MATR3: variants seen among roughly 807,000 people sequenced by gnomAD.
MATR3 encodes the protein matrin-3.
MATR3 carries 4 observed loss-of-function variants against 85.5 expected under a neutral mutation model. The observed-to-expected ratio is 0.05, with a 90% CI of 0.02 to 0.11. The LOEUF (loss-of-function observed/expected upper bound fraction) is 0.11. Among genes scored for constraint, MATR3 ranks in the 10% least tolerant of loss-of-function variants. The pLI is 1.00. For synonymous variants in MATR3, 336 were observed against 343.1 expected (o/e 0.98, Z 0.23); for missense variants, 685 against 1,016.1 (o/e 0.67, Z 4.43).
chr5:139,285,981 A>G (rs1355028535), intron 3 of MATR3, among the ~76,000 whole-genome samples: 1 of 152,204 alleles, frequency 6.6e-6, no homozygotes, highest in East Asian at 1.9e-4. Flanking sequence ...TACTTAAAGG[A>G]AACTTCCCCA....
rs750007027 is a variant in MATR3, at chr5:139,330,663, CAG to C, written c.*1270_*1271del. ...ATTAAAAATGCTACAGGTGAACAAACAGAAGCTTATGTTTAGAGATATTGATG... is the reference window on the plus strand; with the variant it reads ...ATTAAAAATGCTACAGGTGAACAAACAAGCTTATGTTTAGAGATATTGATG... On this transcript the variant is annotated 3_prime_UTR_variant, in exon 15 of 15. Transcript: ENST00000394805. The C allele has an allele frequency of 9.0e-5, 41 of 453,958 alleles. No individual in the cohort carries two copies. The highest frequency in any genetic ancestry group is 5.3e-4 in the South Asian group (34 of 64,480). The allele number at this position is 453,958 out of a possible 1,614,324, so 28.1% of individuals were successfully genotyped here.
intron 5 of MATR3, among the ~76,000 whole-genome samples, chr5:139,316,795 C>T (rs560213809): frequency 6.6e-6 from 1 of 152,224 alleles, no homozygotes; most frequent in South Asian, 2.1e-4. Context: ...AAATGATCTG[C>T]TCAGCCTCCC....
In MATR3 at chr5:139,308,188, G is replaced by T. The variant is rs1258557290; in HGVS notation, c.773G>T (p.Gly258Val). ...SEYERMGRGP[G>V]PLQERSLFEK... ...TATGAGAGAATGGGACGTGGTCCTG[G>T]CCCCTTACAAGAGAGATCTCTCTTT... Residue 258 changes from glycine to valine, a missense_variant, in exon 2 of 15, where the codon GGC becomes GTC. By Grantham distance (109) the Gly-to-Val change is moderately radical. Transcript: ENST00000394805. 1 of 1,614,042 alleles carries T rather than the reference G, an allele frequency of 6.2e-7. No homozygotes were observed. Among genetic ancestry groups the T allele is most frequent in the Admixed American group, 1.7e-5 (1 of 60,002 alleles).
At chr5:139,303,838 A>G (rs955271422) in intron 1 of MATR3, among the ~76,000 whole-genome samples, 2 of 152,170 alleles carry the variant, frequency 1.3e-5, no homozygotes, top group African/African-American at 4.8e-5. Flanking sequence ...TAATTCTGCT[A>G]GATATTACTC....
chr5:139,308,035 G>A lies in MATR3; in HGVS notation c.620G>A (p.Arg207His), dbSNP rs749335257. 7.4e-6 allele frequency: 12 copies of A among 1,613,994 alleles called. No homozygotes were observed. The highest frequency in any genetic ancestry group is 2.2e-5 in the South Asian group (2 of 91,074). Residue 207 changes from arginine to histidine, a missense_variant, in exon 2 of 15, where the codon CGT becomes CAT. By Grantham distance (29) the Arg-to-His change is conservative (BLOSUM62 0). Transcript: ENST00000394805. ...NPVLDYDHGS[R>H]SQESGYYDRM... ...GTGCTTGATTATGACCATGGAAGTCGTTCTCAAGAATCTGGTTATTATGAC... is the reference window on the plus strand; with the variant it reads ...GTGCTTGATTATGACCATGGAAGTCATTCTCAAGAATCTGGTTATTATGAC...
rs1372958202 is a variant in MATR3 at position 139,330,443 on chromosome 5, G to GT, written c.*1049dup. On this transcript the variant is annotated 3_prime_UTR_variant, in exon 15 of 15. Transcript: ENST00000394805. ...ATACATGTTTGGAATGTTAACCAACGTATTTGTCAGTTGTGGTTTTTATTC... is the reference window on the plus strand; with the variant it reads ...ATACATGTTTGGAATGTTAACCAACGTTATTTGTCAGTTGTGGTTTTTATTC... 1 of 454,318 alleles carries GT rather than the reference G, an allele frequency of 2.2e-6. No homozygotes were observed. The highest frequency in any genetic ancestry group is 4.4e-6 in the Non-Finnish European group (1 of 226,792). 28.1% of individuals were successfully genotyped at this position (454,318 alleles called of 1,614,324 possible). A position where few individuals can be genotyped will look rare whatever the true frequency, so the allele number is the denominator to read the frequency against.
At chr5:139,319,528 A>G in intron 9 of MATR3, 27 bp downstream of exon 9, 1 of 1,578,902 alleles carries the variant, frequency 6.3e-7, no homozygotes, top group Non-Finnish European at 8.7e-7. Context: ...AGTTTTAGAG[A>G]AGATAATTTA....
At chr5:139,294,473 ACGCG>A (rs545311713) in intron 1 of MATR3, 91 of 151,230 alleles carry the variant, frequency 6.0e-4, no homozygotes, top group East Asian at 2.7e-3. Context: ...CCCGGCCCAC[ACGCG>A]CGCGCGCGCG....
chr5:139,297,892 G>C (rs1754238296), intron 1 of MATR3, among the ~76,000 whole-genome samples: 1 of 152,160 alleles, frequency 6.6e-6, no homozygotes, highest in African/African-American at 2.4e-5. Flanking sequence ...TCTTTAATGT[G>C]GTTCAGGCAG....
intron 3 of MATR3, among the ~76,000 whole-genome samples, chr5:139,287,808 A>G (rs186436344): frequency 9.5e-4 from 145 of 152,098 alleles, no homozygotes; most frequent in Admixed American, 2.2e-3. Context: ...TTGAGGTCAA[A>G]CTCCTTGTCA....
chr5:139,274,205 C>G (rs974754739), intron 1 of MATR3: 8 of 375,810 alleles, frequency 2.1e-5, no homozygotes, highest in African/African-American at 1.7e-4. Context: ...GGTTTCCCAG[C>G]CTGGGGAAAG....
chr5:139,325,319 A>T, intron 12 of MATR3, 121 bp from the exon 13 acceptor site: 1 of 1,567,744 alleles, frequency 6.4e-7, no homozygotes, highest in Non-Finnish European at 8.6e-7. Flanking sequence ...GGAGTATGGA[A>T]GGTTTTGTCA....
rs1756067390 is a variant in MATR3 at position 139,330,163 on chromosome 5, T to C, written c.*768T>C. The stretch of plus-strand genomic sequence containing the variant: ...TCTGGTATAAGCAACATTTGATTTT[T>C]GAAGTGTGTAGACCATCTCTTCATA... On this transcript the variant is annotated 3_prime_UTR_variant, in exon 15 of 15. Transcript: ENST00000394805. 2 of 454,436 alleles carry C rather than the reference T, an allele frequency of 4.4e-6. No homozygotes were observed. The highest frequency in any genetic ancestry group is 8.8e-6 in the Non-Finnish European group (2 of 226,802). 28.2% of individuals were successfully genotyped at this position (454,436 alleles called of 1,614,324 possible).
intron 1 of MATR3, among the ~76,000 whole-genome samples, chr5:139,296,693 C>T (rs190336603): frequency 2.8e-4 from 43 of 152,204 alleles, no homozygotes; most frequent in African/African-American, 1.0e-3. Flanking sequence ...TCAGAATATT[C>T]TTAGGCAAAA....
At chr5:139,290,427 G>A (rs1054101749), upstream of MATR3, among the ~76,000 whole-genome samples, 1 of 111,534 alleles carries the variant, frequency 9.0e-6, no homozygotes, top group African/African-American at 4.0e-5. Flanking sequence ...GAGCCACTGC[G>A]CCTGGCCGCT....
At chr5:139,316,243 TTC>T in intron 5 of MATR3, 55 bp downstream of exon 5, 2 of 1,357,570 alleles carry the variant, frequency 1.5e-6, no homozygotes, top group South Asian at 1.2e-5. Context: ...CTGAAAATTT[TTC>T]TTTTTATTTA....
intron 14 of MATR3, among the ~76,000 whole-genome samples, chr5:139,327,628 T>A (rs1318608374): frequency 6.6e-6 from 1 of 152,022 alleles, no homozygotes; most frequent in African/African-American, 2.4e-5. Flanking sequence ...TCCATGTTGG[T>A]CAGACTGGTC....
rs924762117 is a variant in MATR3, at chr5:139,307,094, G to GT, written c.-177-142dup. On this transcript the variant is annotated intron_variant, in intron 1 of 14. Coordinates refer to ENST00000394805, the MANE Select transcript of MATR3 (RefSeq NM_018834.6). The surrounding 1 kb of genome is among the most constrained non-coding windows in gnomAD (Gnocchi z 4.4). ...CAGGCTCTGCATACATCAGGAATCT[G>GT]TTTAAGATATGTAATAAATTCCTTG... is the stretch of plus-strand genomic sequence containing the variant. 3 of 400,134 alleles carry GT rather than the reference G, an allele frequency of 7.5e-6. No homozygotes were observed. Among genetic ancestry groups the GT allele is most frequent in the African/African-American group, 6.5e-5 (3 of 45,878 alleles). The allele number at this position is 400,134 out of a possible 1,614,324, so 24.8% of individuals were successfully genotyped here.
intron 3 of MATR3, among the ~76,000 whole-genome samples, chr5:139,288,508 T>A (rs763934965): frequency 9.9e-5 from 15 of 152,198 alleles, no homozygotes; most frequent in Non-Finnish European, 1.6e-4. Context: ...GAGAACAAGA[T>A]CAGTTGGAAT....
Sources: gnomAD v4.1 joint callset for allele counts (sites outside exome capture counted in the v4.1 genomes callset) on GRCh38, gnomAD v4.1.1 for gene constraint, Gnocchi (gnomAD v3.1) non-coding constraint, MANE v1.5 for transcripts, NCBI Gene and HGNC (gene_info 2026-07-23, HGNC 2026-07-21) for gene names.